SHANK2: variants seen among roughly 807,000 people sequenced by gnomAD.
SHANK2 encodes SH3 and multiple ankyrin repeat domains protein 2.
In SHANK2, 43 loss-of-function variants were observed where a neutral mutation model predicts 133.7. That is an observed-to-expected ratio of 0.32 (90% confidence interval 0.25 to 0.41). The LOEUF is 0.41. Ranked by LOEUF, SHANK2 falls within the 10% of genes least tolerant of loss-of-function variation. SHANK2 has a pLI of 1.00. For synonymous variants in SHANK2, 1,017 were observed against 952.8 expected, an observed-to-expected ratio of 1.07 and a Z score of -1.24; for missense variants, 1,994 against 2,235.8, an observed-to-expected ratio of 0.89 and a Z score of 2.18.
At chr11:70,859,340 G>A (rs1322081321) in intron 11 of SHANK2, among the ~76,000 whole-genome samples, 1 of 152,124 alleles carries the variant, frequency 6.6e-6, no homozygotes, top group African/African-American at 2.4e-5. Flanking sequence ...ACTGATGAAT[G>A]GATGGATGAA....
intron 1 of SHANK2, among the ~76,000 whole-genome samples, chr11:71,245,662 C>G (rs527573278): frequency 3.0e-4 from 45 of 152,310 alleles, no homozygotes; most frequent in African/African-American, 9.4e-4. Context: ...CTGGGCCACA[C>G]GACCTTCGGC....
At chr11:71,150,830 A>ACCT (rs1376361333) in intron 2 of SHANK2, among the ~76,000 whole-genome samples, 3 of 152,080 alleles carry the variant, frequency 2.0e-5, no homozygotes, top group African/African-American at 7.2e-5. Context: ...CAAGGCACAG[A>ACCT]TGACAGCACG....
intron 14 of SHANK2, among the ~76,000 whole-genome samples, chr11:70,771,948 C>A (rs1947259866): frequency 6.6e-6 from 1 of 152,126 alleles, no homozygotes; most frequent in Non-Finnish European, 1.5e-5. Context: ...TTAAAGGCAG[C>A]AAAGCTCTGA....
intron 8 of SHANK2, among the ~76,000 whole-genome samples, chr11:71,087,627 TTTGTTG>T (rs1236654031): frequency 2.0e-5 from 3 of 151,762 alleles, no homozygotes; most frequent in East Asian, 1.9e-4. Flanking sequence ...TTTAGCTGGT[TTTGTTG>T]TTGTTGTTGT....
chr11:70,533,525 A>G (rs555047677), intron 17 of SHANK2, among the ~76,000 whole-genome samples: 1 of 152,254 alleles, frequency 6.6e-6, no homozygotes, highest in Non-Finnish European at 1.5e-5. Flanking sequence ...GGCCCATGTC[A>G]TCTGGCCCCT....
intron 14 of SHANK2, among the ~76,000 whole-genome samples, chr11:70,729,873 G>A (rs186162083): frequency 2.9e-4 from 43 of 146,650 alleles, no homozygotes; most frequent in African/African-American, 1.1e-3. Context: ...TCTGGCGTTT[G>A]AGAATGATAT....
intron 2 of SHANK2, among the ~76,000 whole-genome samples, chr11:71,205,851 G>A (rs1954116857): frequency 6.6e-6 from 1 of 152,142 alleles, no homozygotes; most frequent in Non-Finnish European, 1.5e-5. Flanking sequence ...GCCATGTCAA[G>A]AGTCGTTTCT....
intron 11 of SHANK2, among the ~76,000 whole-genome samples, chr11:70,824,398 T>C (rs1216836978): frequency 6.6e-6 from 1 of 152,128 alleles, no homozygotes; most frequent in African/African-American, 2.4e-5. Context: ...AGCCTTTCTG[T>C]CATTGAAGAT....
chr11:71,168,319 G>C (rs1382693258), intron 2 of SHANK2, among the ~76,000 whole-genome samples: 1 of 139,364 alleles, frequency 7.2e-6, no homozygotes, highest in Admixed American at 6.8e-5. Flanking sequence ...CGGCCGGGCA[G>C]AGACGCTCCT....
chr11:70,670,123 C>T (rs114005154), intron 15 of SHANK2, among the ~76,000 whole-genome samples: 63 of 152,282 alleles, frequency 4.1e-4, no homozygotes, highest in African/African-American at 1.5e-3. Context: ...GCGTTTATTG[C>T]CCCTGAAAGT....
intron 10 of SHANK2, among the ~76,000 whole-genome samples, chr11:70,920,260 C>T (rs1276589707): frequency 2.0e-5 from 3 of 152,036 alleles, no homozygotes; most frequent in African/African-American, 7.2e-5. Context: ...TGTATGTATG[C>T]ATGTATGCAT....
chr11:70,701,503 C>A (rs1945520165), intron 14 of SHANK2, among the ~76,000 whole-genome samples: 1 of 152,142 alleles, frequency 6.6e-6, no homozygotes, highest in African/African-American at 2.4e-5. Flanking sequence ...CCAGGTCACG[C>A]CATTCTCATG....
chr11:70,552,989 C>T lies in SHANK2; in HGVS notation c.2062-50058G>A, dbSNP rs1045856129. On this transcript the variant is annotated intron_variant, in intron 17 of 25. Coordinates refer to ENST00000601538, the MANE Select transcript of SHANK2 (RefSeq NM_012309.5). ...TTGGATGGCCGCCTTCCCCCGTGTC[C>T]TCATGTGGTCATCCCTCTGTGCATG... is the stretch of plus-strand genomic sequence containing the variant. Among the ~76,000 whole-genome samples the T allele has an allele frequency of 2.6e-5, 4 of 152,274 alleles. No homozygotes were observed. In the East Asian group the frequency reaches 7.7e-4, roughly 29 times the overall value.
In SHANK2 at chr11:70,786,004, G is replaced by A. The variant is rs147473520; in HGVS notation, c.1777+12439C>T. Among the ~76,000 whole-genome samples the A allele has an allele frequency of 9.2e-5, 14 of 152,210 alleles. No individual in the cohort carries two copies. In the East Asian group the frequency reaches 1.5e-3, roughly 17 times the overall value. On this transcript the variant is annotated intron_variant, in intron 14 of 25. Coordinates refer to ENST00000601538, the MANE Select transcript of SHANK2 (RefSeq NM_012309.5). ...CTACCTGCTATGCACAGATGGGCCC[G>A]GGACCAGACCTCTAGCAGTGTAGAG...
At chr11:70,680,847 C>T (rs907056174) in intron 15 of SHANK2, among the ~76,000 whole-genome samples, 1 of 152,174 alleles carries the variant, frequency 6.6e-6, no homozygotes, top group Non-Finnish European at 1.5e-5. Context: ...AGGCACCGTC[C>T]TCCTTGTGGG....
chr11:70,658,767 G>A (rs183932002), intron 17 of SHANK2, among the ~76,000 whole-genome samples: 13 of 152,286 alleles, frequency 8.5e-5, no homozygotes, highest in Admixed American at 8.5e-4. Flanking sequence ...CTCTCACCAC[G>A]GGTGGAGATG....
chr11:70,688,638 C>T (rs1945208292), intron 15 of SHANK2, among the ~76,000 whole-genome samples: 1 of 152,180 alleles, frequency 6.6e-6, no homozygotes, highest in Admixed American at 6.5e-5. Context: ...ATCACAAATG[C>T]TCATTTGCAG....
intron 3 of SHANK2, among the ~76,000 whole-genome samples, chr11:71,126,501 A>G (rs1952191008): frequency 6.6e-6 from 1 of 152,210 alleles, no homozygotes; most frequent in Non-Finnish European, 1.5e-5. Flanking sequence ...TCCATGGATT[A>G]AGGATTAATT....
At chr11:70,489,129 C>T in intron 24 of SHANK2, 199 bp downstream of exon 24, 1 of 600,590 alleles carries the variant, frequency 1.7e-6, no homozygotes, top group Non-Finnish European at 3.0e-6. Flanking sequence ...TAAGGGTATT[C>T]CAAATTTAAC....
Sources: allele counts gnomAD v4.1 joint callset (sites outside exome capture counted in the v4.1 genomes callset), GRCh38; gene constraint gnomAD v4.1.1; transcripts MANE v1.5; gene names NCBI Gene and HGNC (gene_info 2026-07-23, HGNC 2026-07-21).